The following CADPS variants were observed in gnomAD, a reference collection of about 807,000 sequenced individuals.
CADPS encodes the protein calcium-dependent secretion activator 1.
Under a neutral mutation model 167.3 loss-of-function variants are expected in CADPS, and 57 were observed. The ratio of observed to expected loss-of-function variants is 0.34; its 90% confidence interval spans 0.28 to 0.42. The LOEUF is 0.42. Among genes scored for constraint, CADPS ranks in the 20% least tolerant of loss-of-function variants. The probability of loss-of-function intolerance (pLI) is 1.00; values close to 1 mark genes in which losing one functional copy is unlikely to be tolerated. For synonymous variants in CADPS, 676 were observed against 635.3 expected (o/e 1.06, Z -0.96); for missense variants, 1,414 against 1,738.1 (o/e 0.81, Z 3.32).
At chr3:62,534,695 G>C (rs931993226) in intron 12 of CADPS, among the ~76,000 whole-genome samples, 6 of 152,108 alleles carry the variant, frequency 3.9e-5, no homozygotes, top group Non-Finnish European at 5.9e-5. Context: ...TATCCCTGCT[G>C]GTCGGTCTCC....
intron 9 of CADPS, among the ~76,000 whole-genome samples, chr3:62,564,607 CTTTTTTT>C (rs11351162): frequency 7.9e-6 from 1 of 127,342 alleles, no homozygotes; most frequent in Non-Finnish European, 1.7e-5. Flanking sequence ...AACCAGAAAT[CTTTTTTT>C]TTTTTTTTTT....
chr3:62,831,153 A>G (rs1280891116), intron 1 of CADPS, among the ~76,000 whole-genome samples: 4 of 152,160 alleles, frequency 2.6e-5, no homozygotes, highest in Admixed American at 1.3e-4. Context: ...CTAACCATAG[A>G]TAAGTATTAT....
chr3:62,789,746 C>T (rs973811030), intron 1 of CADPS, among the ~76,000 whole-genome samples: 3 of 152,090 alleles, frequency 2.0e-5, no homozygotes, highest in Non-Finnish European at 2.9e-5. Context: ...TTCAAATAAA[C>T]CTATCAAAAT....
At chr3:62,723,288 C>T (rs969967015) in intron 3 of CADPS, among the ~76,000 whole-genome samples, 28 of 152,226 alleles carry the variant, frequency 1.8e-4, no homozygotes, top group African/African-American at 6.0e-4. Context: ...CTCCGATGAA[C>T]GCCAGTAGAT....
intron 3 of CADPS, among the ~76,000 whole-genome samples, chr3:62,713,161 C>T (rs186262316): frequency 1.7e-4 from 26 of 152,264 alleles, no homozygotes; most frequent in Admixed American, 4.6e-4. Flanking sequence ...TTCTTTAATC[C>T]TCATTAAAAC....
chr3:62,583,470 G>A (rs973662065), intron 8 of CADPS, among the ~76,000 whole-genome samples: 13 of 152,068 alleles, frequency 8.5e-5, no homozygotes, highest in Admixed American at 8.5e-4. Context: ...TAATTTAATC[G>A]AAGAAAACCT....
chr3:62,873,986 G>A (rs937692215), intron 1 of CADPS, among the ~76,000 whole-genome samples: 4 of 152,218 alleles, frequency 2.6e-5, no homozygotes, highest in Admixed American at 6.5e-5. Context: ...GCTGACCCGG[G>A]CAGGGAGAGG....
Position 62,541,444 on chromosome 3 carries a change from G to T in CADPS, c.1967-4863C>A, listed in dbSNP as rs544938277. 5.9e-5 allele frequency among the ~76,000 whole-genome samples: 9 copies of T among 152,234 alleles called. No individual in the cohort carries two copies. The South Asian group carries it at 1.9e-3, about 32-fold the overall frequency. Reference sequence around the variant, plus strand: ...TTCAAACTAAGCTTGGATGGATAACGCTGCTATTGGTACTGACATTAAGAA... The same window carrying T: ...TTCAAACTAAGCTTGGATGGATAACTCTGCTATTGGTACTGACATTAAGAA... On this transcript the variant is annotated intron_variant, in intron 11 of 29. Coordinates refer to ENST00000383710, the MANE Select transcript of CADPS (RefSeq NM_003716.4).
At chr3:62,542,788 A>G (rs1358872762) in intron 11 of CADPS, among the ~76,000 whole-genome samples, 1 of 152,138 alleles carries the variant, frequency 6.6e-6, no homozygotes, top group Non-Finnish European at 1.5e-5. Context: ...TTCAATGTTA[A>G]TTTCTATAAT....
At chr3:62,524,312 C>T (rs1415767082) in intron 13 of CADPS, among the ~76,000 whole-genome samples, 2 of 152,084 alleles carry the variant, frequency 1.3e-5, no homozygotes, top group East Asian at 3.9e-4. Flanking sequence ...TAATTAGGGC[C>T]CTCACATCTC....
intron 13 of CADPS, among the ~76,000 whole-genome samples, chr3:62,519,265 T>C (rs1561565479): frequency 6.6e-6 from 1 of 152,152 alleles, no homozygotes; most frequent in Non-Finnish European, 1.5e-5. Flanking sequence ...CAAATGCAAG[T>C]CATCTTGAGA....
At chr3:62,485,697 A>G (rs1477658631) in intron 21 of CADPS, among the ~76,000 whole-genome samples, 1 of 152,174 alleles carries the variant, frequency 6.6e-6, no homozygotes, top group Non-Finnish European at 1.5e-5. Context: ...TTTAACAAAT[A>G]TGGCAATTAA....
At chr3:62,411,680 T>A (rs2048988670) in intron 28 of CADPS, among the ~76,000 whole-genome samples, 1 of 152,166 alleles carries the variant, frequency 6.6e-6, no homozygotes, top group Admixed American at 6.5e-5. Flanking sequence ...TTACCGGGGA[T>A]CTGGTTGTAT....
chr3:62,468,448 G>A (rs1419137487), intron 24 of CADPS, among the ~76,000 whole-genome samples: 3 of 152,106 alleles, frequency 2.0e-5, no homozygotes, highest in African/African-American at 7.2e-5. Flanking sequence ...GGGCTGAAGT[G>A]GCAAATAGAG....
intron 24 of CADPS, among the ~76,000 whole-genome samples, chr3:62,472,234 T>G (rs765845689): frequency 2.6e-5 from 4 of 152,152 alleles, no homozygotes; most frequent in Non-Finnish European, 5.9e-5. Flanking sequence ...GGGTACTCAG[T>G]TTTTCAGGTG....
intron 8 of CADPS, among the ~76,000 whole-genome samples, chr3:62,583,365 T>G (rs977165842): frequency 3.3e-5 from 5 of 152,142 alleles, no homozygotes; most frequent in South Asian, 4.1e-4. Flanking sequence ...GGGGAAGACA[T>G]ATTAGGGAGA....
At chr3:62,795,517 C>T (rs1260787638) in intron 1 of CADPS, among the ~76,000 whole-genome samples, 5 of 152,108 alleles carry the variant, frequency 3.3e-5, no homozygotes, top group Admixed American at 1.3e-4. Flanking sequence ...TTCTTCAGAC[C>T]GTTCTTGTTT....
At chr3:62,457,295 TCTGTCTAAGATTATA>T (rs1392446246) in intron 26 of CADPS, among the ~76,000 whole-genome samples, 2 of 152,212 alleles carry the variant, frequency 1.3e-5, no homozygotes, top group African/African-American at 4.8e-5. Context: ...GATTAATCAA[TCTGTCTAAGATTATA>T]CTTTAGGAAG....
intron 3 of CADPS, among the ~76,000 whole-genome samples, chr3:62,674,562 GT>G (rs140869877): frequency 4.6e-5 from 7 of 152,102 alleles, no homozygotes; most frequent in African/African-American, 1.4e-4. Context: ...TAACCAAGTA[GT>G]TTTTTTTATT....
Sources: gnomAD v4.1 joint callset for allele counts (sites outside exome capture counted in the v4.1 genomes callset) on GRCh38, gnomAD v4.1.1 for gene constraint, MANE v1.5 for transcripts, NCBI Gene and HGNC (gene_info 2026-07-23, HGNC 2026-07-21) for gene names.